CTNS: variants seen among roughly 807,000 people sequenced by gnomAD.
CTNS encodes the protein cystinosin.
CTNS carries 27 observed loss-of-function variants against 43.7 expected under a neutral mutation model. The observed-to-expected ratio is 0.62, with a 90% CI of 0.46 to 0.85. The LOEUF (loss-of-function observed/expected upper bound fraction) is 0.85. CTNS is among the 40% of genes least tolerant of loss of function. CTNS has a pLI of 0.00. For missense variants in CTNS, 457 were observed against 475.4 expected (o/e 0.96, Z 0.36); for synonymous variants, 187 against 190.6 (o/e 0.98, Z 0.16).
chr17:3,648,060 T>C (rs571692837), intron 4 of CTNS, among the ~76,000 whole-genome samples: 53 of 152,336 alleles, frequency 3.5e-4, no homozygotes, highest in African/African-American at 1.0e-3. Context: ...CTCTGCCTTC[T>C]CTGCTCTTAG....
intron 5 of CTNS, chr17:3,650,285 C>A (rs2075949108): frequency 2.6e-6 from 4 of 1,550,168 alleles, no homozygotes; most frequent in Non-Finnish European, 3.5e-6. Flanking sequence ...AGGAGTGAAA[C>A]ACGATCAGTC....
chr17:3,660,872 T>C lies in CTNS; in HGVS notation c.*503T>C. 7.5e-7 allele frequency: 1 copy of C among 1,327,502 alleles called. No homozygotes were observed. The allele number at this position is 1,327,502 out of a possible 1,614,324, so 82.2% of individuals were successfully genotyped here. A position where few individuals can be genotyped will look rare whatever the true frequency, so the allele number is the denominator to read the frequency against. On this transcript the variant is annotated 3_prime_UTR_variant, in exon 12 of 12. Coordinates refer to ENST00000046640, the MANE Select transcript of CTNS (RefSeq NM_004937.3). The stretch of plus-strand genomic sequence containing the variant: ...CTTTGGGGTTAGGCCATGGGGCTCT[T>C]TCTCTGAAGGCCACTTTCCTGACGT...
chr17:3,658,999 G>A (rs1025639757), intron 10 of CTNS, among the ~76,000 whole-genome samples: 1 of 152,170 alleles, frequency 6.6e-6, no homozygotes, highest in Middle Eastern at 3.2e-3. Context: ...GGGAAGGTTT[G>A]GGGAAGTGGG....
chr17:3,652,621 C>T lies in CTNS; in HGVS notation c.226-2377C>T, dbSNP rs187840343. ...AAATAAAAAATGTCTAGGATTGTCC[C>T]TGGCACATAGAAAGCACTCAGTGAA... On this transcript the variant is annotated intron_variant, in intron 5 of 11. Coordinates refer to ENST00000046640, the MANE Select transcript of CTNS (RefSeq NM_004937.3). Among the ~76,000 whole-genome samples, 333 of 152,220 alleles carry T rather than the reference C, an allele frequency of 2.2e-3. 1 individual carries two copies. The highest frequency in any genetic ancestry group is 7.4e-3 in the African/African-American group (306 of 41,544).
rs2076281167 is a variant in CTNS, at chr17:3,661,737, G to C, written c.*1368G>C. 1.3e-5 allele frequency among the ~76,000 whole-genome samples: 2 copies of C among 152,240 alleles called. No homozygotes were observed. Among genetic ancestry groups the C allele is most frequent in the Admixed American group, 1.3e-4 (2 of 15,286 alleles). Reference sequence around the variant, plus strand: ...CGCCCAGGGCCAGGTCAGTCTCCCAGGCTCCGTGTCTTCACGGTTACCAGG... The same window carrying C: ...CGCCCAGGGCCAGGTCAGTCTCCCACGCTCCGTGTCTTCACGGTTACCAGG... On this transcript the variant is annotated 3_prime_UTR_variant, in exon 12 of 12. Transcript: ENST00000046640.
intron 5 of CTNS, 37 bp from the exon 6 acceptor site, chr17:3,654,961 T>C: frequency 6.8e-7 from 1 of 1,470,064 alleles, no homozygotes; most frequent in Non-Finnish European, 9.5e-7. Context: ...TCGGTAACTG[T>C]ACGTGGCATC....
chr17:3,639,037 G>A (rs1007909752), intron 2 of CTNS, among the ~76,000 whole-genome samples: 2 of 152,150 alleles, frequency 1.3e-5, no homozygotes, highest in Non-Finnish European at 2.9e-5. Flanking sequence ...GAGACTTCTT[G>A]AGGAGTGTGT....
chr17:3,652,713 C>T (rs2076016179), intron 5 of CTNS, among the ~76,000 whole-genome samples: 1 of 152,132 alleles, frequency 6.6e-6, no homozygotes, highest in African/African-American at 2.4e-5. Context: ...CTGCCTAGTT[C>T]CAGAAGGGAT....
intron 3 of CTNS, among the ~76,000 whole-genome samples, chr17:3,642,637 G>C (rs567665423): frequency 1.3e-5 from 2 of 152,226 alleles, no homozygotes; most frequent in South Asian, 4.1e-4. Context: ...GCAGTGAGCT[G>C]AGATCACGCC....
At chr17:3,656,423 C>T in intron 7 of CTNS, 64 bp from the exon 8 acceptor site, 3 of 838,484 alleles carry the variant, frequency 3.6e-6, no homozygotes, top group Non-Finnish European at 5.4e-6. Flanking sequence ...TCACCCTCTG[C>T]CCTGTCCCTC....
intron 5 of CTNS, chr17:3,650,537 G>T (rs1410659631): frequency 1.9e-6 from 1 of 524,100 alleles, no homozygotes; most frequent in African/African-American, 1.9e-5. Context: ...GCTGAGAGGG[G>T]ATCTCGGAGT....
In CTNS at chr17:3,656,604, C is replaced by T; in HGVS notation, c.561+18C>T. ...ACATCAAGGTACGGCCTTGCCTGCC[C>T]TACATCTCTGCCCACATGGCGTGGT... On this transcript the variant is annotated intron_variant, in intron 8 of 11. Transcript: ENST00000046640. 6.2e-7 allele frequency: 1 copy of T among 1,612,404 alleles called. No individual in the cohort carries two copies. Among genetic ancestry groups the T allele is most frequent in the Non-Finnish European group, 8.5e-7 (1 of 1,179,688 alleles).
chr17:3,642,823 G>C (rs2075752558), intron 3 of CTNS, among the ~76,000 whole-genome samples: 1 of 152,198 alleles, frequency 6.6e-6, no homozygotes, highest in African/African-American at 2.4e-5. Context: ...CCACAGATGA[G>C]ATGATTGGCC....
chr17:3,637,810 C>T (rs571558920), intron 2 of CTNS, among the ~76,000 whole-genome samples: 20 of 151,362 alleles, frequency 1.3e-4, no homozygotes, highest in Non-Finnish European at 3.0e-4. Context: ...GCGTGCTTTA[C>T]ATCTCCTCAT....
In CTNS at chr17:3,642,868, A is replaced by C. The variant is rs528791017; in HGVS notation, c.61+2601A>C. Reference sequence around the variant, plus strand: ...GTCTGTCTCTGACTTCTCTGGGTGGAATCTTGAGGCAGTGCAGCCTCATGG... The same window carrying C: ...GTCTGTCTCTGACTTCTCTGGGTGGCATCTTGAGGCAGTGCAGCCTCATGG... On this transcript the variant is annotated intron_variant, in intron 3 of 11. Coordinates refer to ENST00000046640, the MANE Select transcript of CTNS (RefSeq NM_004937.3). Among the ~76,000 whole-genome samples the C allele has an allele frequency of 3.9e-5, 6 of 152,242 alleles. No individual in the cohort carries two copies. The East Asian group carries it at 1.2e-3, about 29-fold the overall frequency.
chr17:3,655,394 T>C (rs192542757), intron 7 of CTNS, 42 bp downstream of exon 7: 66 of 1,612,316 alleles, frequency 4.1e-5, no homozygotes, highest in Non-Finnish European at 5.3e-5. Context: ...TCGGGGCCCC[T>C]AGGAGCAGGG....
chr17:3,642,064 C>CGTGTGTGT (rs139025469), intron 3 of CTNS, among the ~76,000 whole-genome samples: 8,079 of 139,718 alleles, frequency 0.058, 419 homozygotes, highest in African/African-American at 0.12. Flanking sequence ...TGTACCCGGG[C>CGTGTGTGT]GTGTGTGTGT....
intron 2 of CTNS, among the ~76,000 whole-genome samples, chr17:3,638,958 C>T (rs917948548): frequency 7.2e-5 from 11 of 152,160 alleles, no homozygotes; most frequent in African/African-American, 2.7e-4. Context: ...TGAGGCAGAC[C>T]TGCAGCAGGC....
Position 3,655,483 on chromosome 17 carries a change from G to A in CTNS, c.461+131G>A. 4.2e-6 allele frequency: 6 copies of A among 1,412,282 alleles called. No individual in the cohort carries two copies. In the East Asian group the frequency reaches 1.4e-4, roughly 32 times the overall value. The allele number at this position is 1,412,282 out of a possible 1,614,324, so 87.5% of individuals were successfully genotyped here. A position where few individuals can be genotyped will look rare whatever the true frequency, so the allele number is the denominator to read the frequency against. ...GTCTGCCTACCCTTTCCAGAAAGTT[G>A]TCCCAGTGCGAAGGCTCGGAGAGCC... On this transcript the variant is annotated intron_variant, in intron 7 of 11. Coordinates refer to ENST00000046640, the MANE Select transcript of CTNS (RefSeq NM_004937.3).
Sources: allele counts gnomAD v4.1 joint callset (sites outside exome capture counted in the v4.1 genomes callset), GRCh38; gene constraint gnomAD v4.1.1; transcripts MANE v1.5; gene names NCBI Gene and HGNC (gene_info 2026-07-23, HGNC 2026-07-21).